Variants in NCOA2 observed in about 807,000 individuals in gnomAD.
NCOA2 encodes the protein nuclear receptor coactivator 2, also known as class E basic helix-loop-helix protein 75.
In NCOA2, 21 loss-of-function variants were observed where a neutral mutation model predicts 145.1. The ratio of observed to expected loss-of-function variants is 0.14; its 90% CI spans 0.10 to 0.21. The LOEUF (loss-of-function observed/expected upper bound fraction) is 0.21. Ranked by LOEUF, NCOA2 falls within the 10% of genes least tolerant of loss-of-function variation. The pLI is 1.00. For missense variants in NCOA2, 1,472 were observed against 1,837.6 expected, an observed-to-expected ratio of 0.80 and a Z score of 3.64; for synonymous variants, 619 against 637.5, an observed-to-expected ratio of 0.97 and a Z score of 0.44.
intron 1 of NCOA2, among the ~76,000 whole-genome samples, chr8:70,322,751 A>C (rs1335294953): frequency 6.6e-6 from 1 of 152,210 alleles, no homozygotes; most frequent in African/African-American, 2.4e-5. Flanking sequence ...TAAAGTACCT[A>C]GGAAAGGGTC....
chr8:70,266,564 G>C (rs1314854291), intron 2 of NCOA2, among the ~76,000 whole-genome samples: 2 of 152,104 alleles, frequency 1.3e-5, no homozygotes, highest in African/African-American at 4.8e-5. Flanking sequence ...CATGGGCTTT[G>C]CTCCTTCTCA....
Position 70,146,121 on chromosome 8 carries a change from A to G in NCOA2, c.2606-1273T>C, listed in dbSNP as rs531086207. ...CATCACTTCTTAACTGGGCTTTCCT[A>G]GGATTAGAATTAGATTAAAAGTGGT... On this transcript the variant is annotated intron_variant, in intron 12 of 22. Transcript: ENST00000452400. 2.6e-4 allele frequency among the ~76,000 whole-genome samples: 40 copies of G among 152,328 alleles called. 1 individual carries two copies. In the South Asian group the frequency reaches 7.9e-3, roughly 30 times the overall value.
At chr8:70,219,523 A>C (rs1819948568) in intron 2 of NCOA2, among the ~76,000 whole-genome samples, 1 of 152,110 alleles carries the variant, frequency 6.6e-6, no homozygotes, top group South Asian at 2.1e-4. Flanking sequence ...TGGCCAAGCC[A>C]AGGAAGGATG....
At chr8:70,427,922 G>A in the NCOA2 span, among the ~76,000 whole-genome samples, 4 of 152,024 alleles carry the variant, frequency 2.6e-5, no homozygotes, top group Non-Finnish European at 5.9e-5. Context: ...TTTTAGTTAC[G>A]TATGGATAAA....
intron 1 of NCOA2, among the ~76,000 whole-genome samples, chr8:70,313,710 G>T (rs75371280): frequency 2.6e-5 from 4 of 152,078 alleles, no homozygotes; most frequent in South Asian, 2.1e-4. Flanking sequence ...TTTAGGAATA[G>T]AAGTACTCAG....
intron 1 of NCOA2, among the ~76,000 whole-genome samples, chr8:70,320,241 C>T (rs1327852799): frequency 6.6e-6 from 1 of 151,854 alleles, no homozygotes; most frequent in Non-Finnish European, 1.5e-5. Flanking sequence ...ATATCTGGGT[C>T]TGTTAAAAAA....
At chr8:70,245,578 TCACATA>T (rs1355788119) in intron 2 of NCOA2, among the ~76,000 whole-genome samples, 3 of 151,914 alleles carry the variant, frequency 2.0e-5, no homozygotes, top group African/African-American at 7.3e-5. Flanking sequence ...TCTCACTCTC[TCACATA>T]CACATACACA....
intron 2 of NCOA2, among the ~76,000 whole-genome samples, chr8:70,264,764 T>C (rs925603624): frequency 2.0e-5 from 3 of 152,050 alleles, no homozygotes; most frequent in Non-Finnish European, 4.4e-5. Context: ...AACTGATAAA[T>C]TGTATATGTT....
At chr8:70,225,394 C>CA (rs879291899) in intron 2 of NCOA2, among the ~76,000 whole-genome samples, 1 of 151,684 alleles carries the variant, frequency 6.6e-6, no homozygotes, top group Non-Finnish European at 1.5e-5. Flanking sequence ...TAAAAAAATA[C>CA]AAAAATTAGC....
the NCOA2 span, among the ~76,000 whole-genome samples, chr8:70,440,890 G>A: frequency 1.3e-5 from 2 of 151,168 alleles, no homozygotes; most frequent in Admixed American, 6.6e-5. Context: ...CAGGTCTTCA[G>A]GCCCCTGAGA....
chr8:70,190,432 C>T (rs188088243), intron 4 of NCOA2, among the ~76,000 whole-genome samples: 9 of 152,312 alleles, frequency 5.9e-5, no homozygotes, highest in South Asian at 4.1e-4. Flanking sequence ...TTTGCTCTCA[C>T]GTATCCGAAT....
chr8:70,300,837 T>C (rs1827434414), intron 1 of NCOA2, among the ~76,000 whole-genome samples: 1 of 152,236 alleles, frequency 6.6e-6, no homozygotes, highest in African/African-American at 2.4e-5. Flanking sequence ...ATAGCATTTA[T>C]TGAATGCTTA....
At chr8:70,374,122 A>C (rs566121115) in intron 1 of NCOA2, among the ~76,000 whole-genome samples, 2 of 152,342 alleles carry the variant, frequency 1.3e-5, no homozygotes, top group Non-Finnish European at 1.5e-5. Context: ...AAATAGCATG[A>C]ATTTAAAAAT....
chr8:70,331,261 AAAAC>A (rs147423114), intron 1 of NCOA2, among the ~76,000 whole-genome samples: 4,032 of 152,284 alleles, frequency 0.026, 167 homozygotes, highest in African/African-American at 0.092. Flanking sequence ...CTTTCTTACT[AAAAC>A]AAACAAACTA....
At chr8:70,276,656 A>G (rs948230668) in intron 2 of NCOA2, among the ~76,000 whole-genome samples, 1 of 152,142 alleles carries the variant, frequency 6.6e-6, no homozygotes, top group African/African-American at 2.4e-5. Flanking sequence ...GAAGGAAGAC[A>G]TATTTTCTTC....
At chr8:70,127,340 A>T (rs1225477694) in intron 18 of NCOA2, among the ~76,000 whole-genome samples, 3 of 152,216 alleles carry the variant, frequency 2.0e-5, no homozygotes, top group Admixed American at 6.5e-5. Context: ...AGGATCTCAA[A>T]ATAACACAGT....
At chr8:70,231,400 G>A (rs895233995) in intron 2 of NCOA2, among the ~76,000 whole-genome samples, 1 of 152,210 alleles carries the variant, frequency 6.6e-6, no homozygotes, top group Non-Finnish European at 1.5e-5. Flanking sequence ...AGCTAGGCAT[G>A]TGATGTAATG....
At chr8:70,314,077 G>A (rs754152726) in intron 1 of NCOA2, among the ~76,000 whole-genome samples, 8 of 150,314 alleles carry the variant, frequency 5.3e-5, no homozygotes, top group Non-Finnish European at 1.2e-4. Flanking sequence ...CTACTCGGGA[G>A]GCTGAGGTAG....
chr8:70,295,516 A>G (rs1827025891), intron 2 of NCOA2, among the ~76,000 whole-genome samples: 1 of 152,212 alleles, frequency 6.6e-6, no homozygotes, highest in Non-Finnish European at 1.5e-5. Flanking sequence ...TGGAATTGGA[A>G]GAGTTATCTT....
Sources: gnomAD v4.1 joint callset for allele counts (sites outside exome capture counted in the v4.1 genomes callset) on GRCh38, gnomAD v4.1.1 for gene constraint, MANE v1.5 for transcripts, NCBI Gene and HGNC (gene_info 2026-07-23, HGNC 2026-07-21) for gene names.